ABCC6: variants seen among roughly 807,000 people sequenced by gnomAD.
ABCC6 encodes ATP binding cassette subfamily C member 6, also known as ATP-binding cassette sub-family C member 6.
A neutral mutation model predicts 169.5 loss-of-function variants in ABCC6; 126 were observed. The observed-to-expected ratio is 0.74, with a 90% CI of 0.64 to 0.86. ABCC6 has a LOEUF of 0.86. Among genes scored for constraint, ABCC6 ranks in the 40% least tolerant of loss-of-function variants. The pLI is 0.00. For missense variants in ABCC6, 1,733 were observed against 1,927.2 expected (o/e 0.90, Z 1.89); for synonymous variants, 752 against 814.7 (o/e 0.92, Z 1.31).
At chr16:16,164,946 C>A (rs780128905) in intron 23 of ABCC6, among the ~76,000 whole-genome samples, 2 of 152,330 alleles carry the variant, frequency 1.3e-5, no homozygotes, top group South Asian at 2.1e-4. Context: ...AAATTCTATT[C>A]TTTTGGTTAA....
intron 27 of ABCC6, 139 bp downstream of exon 27, chr16:16,157,524 A>AG: frequency 9.1e-7 from 1 of 1,100,440 alleles, no homozygotes; most frequent in Non-Finnish European, 1.3e-6. Context: ...AGTTCATTTT[A>AG]GGGGGTAATG....
At chr16:16,182,297 T>G (rs1431342911) in intron 17 of ABCC6, 115 bp downstream of exon 17, 2 of 1,388,858 alleles carry the variant, frequency 1.4e-6, no homozygotes, top group Non-Finnish European at 2.0e-6. Context: ...TTTTCTCCGC[T>G]ACTTCCCTAA....
chr16:16,185,118 GC>G lies in ABCC6; in HGVS notation c.1868-85del, dbSNP rs55685226. On this transcript the variant is annotated intron_variant, in intron 14 of 30. Coordinates refer to ENST00000205557, the MANE Select transcript of ABCC6 (RefSeq NM_001171.6). ...GAGAGGCCCCCAGGCACCATCCCCC[GC>G]CCCCCCCAGGGGCAGAGGCTGCAGG... 606,923 of 1,174,728 alleles carry G rather than the reference GC, an allele frequency of 0.52. 160,436 individuals carry two copies. Among genetic ancestry groups the G allele is most frequent in the Admixed American group, 0.56 (30,046 of 54,042 alleles). The allele number at this position is 1,174,728 out of a possible 1,614,324, so 72.8% of individuals were successfully genotyped here.
At chr16:16,159,126 C>T (rs1387149790) in intron 26 of ABCC6, among the ~76,000 whole-genome samples, 1 of 152,126 alleles carries the variant, frequency 6.6e-6, no homozygotes, top group African/African-American at 2.4e-5. Flanking sequence ...ATTGCTGTTG[C>T]ATTACTCTCA....
In ABCC6 at chr16:16,150,177, T is replaced by G; in HGVS notation, c.4468A>C (p.Lys1490Gln). 1.2e-6 allele frequency: 2 copies of G among 1,613,474 alleles called. No individual in the cohort carries two copies. The highest frequency in any genetic ancestry group is 1.7e-6 in the Non-Finnish European group (2 of 1,179,998). The change falls in exon 31 of 31, where the codon AAG becomes CAG. Residue 1490 changes from lysine to glutamine, a missense_variant. By Grantham distance (53) the Lys-to-Gln change is moderately conservative. Around this residue, in one of 5 missense-constraint regions of ABCC6, gnomAD observed 1,601 missense variants for 1,635.5 expected, o/e 0.98. Coordinates refer to ENST00000205557, the MANE Select transcript of ABCC6 (RefSeq NM_001171.6). ...TGGGCCAGTCTGTAAAACAGGCCCT[T>G]CTGGGCCAGCAGCTGGGCCGGGCTG... is the stretch of plus-strand genomic sequence containing the variant. ...SGSPAQLLAQ[K>Q]GLFYRLAQES...
At chr16:16,183,043 A>AC in intron 15 of ABCC6, 113 bp from the exon 16 acceptor site, 1 of 1,530,532 alleles carries the variant, frequency 6.5e-7, no homozygotes, top group Non-Finnish European at 9.0e-7. Context: ...CTCCAAGAGG[A>AC]CCTGTGGGGC....
intron 6 of ABCC6, among the ~76,000 whole-genome samples, chr16:16,209,081 G>A (rs1203813224): frequency 2.0e-5 from 3 of 151,854 alleles, no homozygotes; most frequent in Non-Finnish European, 4.4e-5. Flanking sequence ...AACCCATAAG[G>A]TAGGTTATTA....
Position 16,198,187 on chromosome 16 carries a change from C to A in ABCC6, c.1177-5G>T. The A allele has an allele frequency of 6.3e-7, 1 of 1,586,470 alleles. No individual in the cohort carries two copies. The highest frequency in any genetic ancestry group is 2.3e-5 in the East Asian group (1 of 43,686). On this transcript the variant is annotated splice_polypyrimidine_tract_variant and splice_region_variant and intron_variant, in intron 9 of 30. Transcript: ENST00000205557. ...GCCGCTGGACAGAGCCAGGACCTGG[C>A]GGGTGGGCAGAAGGAGAGAAGTAAA...
chr16:16,188,982 G>C lies in ABCC6; in HGVS notation c.1636-8C>G, dbSNP rs766400634. 3 of 1,613,722 alleles carry C rather than the reference G, an allele frequency of 1.9e-6. No homozygotes were observed. Among genetic ancestry groups the C allele is most frequent in the Non-Finnish European group, 2.5e-6 (3 of 1,180,006 alleles). On this transcript the variant is annotated splice_region_variant and splice_polypyrimidine_tract_variant and intron_variant, in intron 12 of 30. Transcript: ENST00000205557. ...AAACACCACCAGTGCGACCTGGGGG[G>C]TGGGGGGGACACGTGGGGCAACAGT...
intron 11 of ABCC6, among the ~76,000 whole-genome samples, chr16:16,190,585 A>G (rs1270690039): frequency 1.3e-5 from 2 of 151,764 alleles, no homozygotes; most frequent in Non-Finnish European, 2.9e-5. Flanking sequence ...TGCCCCATGG[A>G]GGAAGCCTCT....
At position 16,161,471 on chromosome 16, in the gene ABCC6, G is replaced by A. The variant is rs200132882; in HGVS notation, c.3600C>T (p.Gly1200=). ...AVLSKAHLSA[G]LVGFSVSAAL... is the part of the protein sequence containing the mutation. ...CAGCAGAGACAGAGAAGCCCACGAG[G>A]CCAGCACTGAGGTGGGCTTTGCTCA... is the stretch of plus-strand genomic sequence containing the variant. Residue 1200 remains glycine (G), a synonymous_variant, in exon 25 of 31, where the codon GGC becomes GGT. Transcript: ENST00000205557. 4.1e-5 allele frequency: 66 copies of A among 1,613,830 alleles called. No individual in the cohort carries two copies. The highest frequency in any genetic ancestry group is 5.3e-5 in the Non-Finnish European group (62 of 1,180,040).
At chr16:16,197,729 A>G in intron 10 of ABCC6, among the ~76,000 whole-genome samples, 1 of 115,448 alleles carries the variant, frequency 8.7e-6, no homozygotes, top group African/African-American at 3.5e-5. Context: ...GGGGGGCAGG[A>G]GGAGGAGGCT....
Position 16,178,909 on chromosome 16 carries a change from G to A in ABCC6, c.2304C>T (p.Tyr768=). 2 of 1,613,752 alleles carry A rather than the reference G, an allele frequency of 1.2e-6. No individual in the cohort carries two copies. The highest frequency in any genetic ancestry group is 8.5e-7 in the Non-Finnish European group (1 of 1,180,028). Residue 768 remains tyrosine (Y), a synonymous_variant, in exon 18 of 31, where the codon TAC becomes TAT. Transcript: ENST00000205557. ...KQRLSLARAV[Y]RKAAVYLLDD... Reference sequence around the variant, plus strand: ...CCAGCAGGTACACAGCTGCCTTTCTGTATACAGCCCGGGCCAGGCTCAGCC... The same window carrying A: ...CCAGCAGGTACACAGCTGCCTTTCTATATACAGCCCGGGCCAGGCTCAGCC...
chr16:16,160,656 A>AAT (rs60290193), intron 25 of ABCC6, among the ~76,000 whole-genome samples: 1 of 137,766 alleles, frequency 7.3e-6, no homozygotes, highest in Non-Finnish European at 1.6e-5. Flanking sequence ...AAAAAAAAAA[A>AAT]TTAGCCAGGC....
intron 4 of ABCC6, among the ~76,000 whole-genome samples, chr16:16,219,265 A>G (rs547277523): frequency 4.0e-5 from 6 of 150,566 alleles, no homozygotes; most frequent in Admixed American, 2.7e-4. Context: ...GCGTGCATGC[A>G]TGTACTTGTG....
chr16:16,198,242 A>G, intron 9 of ABCC6, 60 bp from the exon 10 acceptor site: 10 of 1,533,240 alleles, frequency 6.5e-6, no homozygotes, highest in Non-Finnish European at 8.8e-6. Context: ...GGGATGCCCC[A>G]GGTGGCTTCT....
intron 9 of ABCC6, among the ~76,000 whole-genome samples, chr16:16,198,606 T>C (rs2048131812): frequency 6.6e-6 from 1 of 152,014 alleles, no homozygotes; most frequent in Non-Finnish European, 1.5e-5. Flanking sequence ...CCCGCCACTC[T>C]GGGAGGCTGA....
chr16:16,176,958 C>T (rs1354665720), intron 19 of ABCC6, among the ~76,000 whole-genome samples: 1 of 152,204 alleles, frequency 6.6e-6, no homozygotes, highest in Non-Finnish European at 1.5e-5. Flanking sequence ...AACTTTACTT[C>T]CAGAACCTTG....
chr16:16,178,859 G>T lies in ABCC6; in HGVS notation c.2354C>A (p.Ala785Asp). 1 of 1,613,690 alleles carries T rather than the reference G, an allele frequency of 6.2e-7. No individual in the cohort carries two copies. The highest frequency in any genetic ancestry group is 8.5e-7 in the Non-Finnish European group (1 of 1,180,016). ...LLDDPLAALD[A>D]HVGQHVFNQV... is the part of the protein sequence containing the mutation. ...GTTGAAGACATGCTGGCCAACGTGGGCATCCAGGGCCGCCAGGGGGTCATC... is the reference window on the plus strand; with the variant it reads ...GTTGAAGACATGCTGGCCAACGTGGTCATCCAGGGCCGCCAGGGGGTCATC... Residue 785 changes from alanine to aspartate, a missense_variant, in exon 18 of 31, where the codon GCC (alanine) becomes GAC (aspartate). Physicochemically the swap from Ala to Asp is moderately radical, Grantham distance 126 (BLOSUM62 -2). Around this residue, in one of 5 missense-constraint regions of ABCC6, gnomAD observed 1,601 missense variants for 1,635.5 expected, o/e 0.98. Transcript: ENST00000205557.
Sources: gnomAD v4.1 joint callset for allele counts (sites outside exome capture counted in the v4.1 genomes callset) on GRCh38, gnomAD v4.1.1 for gene constraint, gnomAD v4.1.1 regional missense constraint, MANE v1.5 for transcripts, NCBI Gene and HGNC (gene_info 2026-07-23, HGNC 2026-07-21) for gene names.